The following SPOCK2 variants were observed in gnomAD, a reference collection of about 807,000 sequenced individuals.
SPOCK2 encodes testican-2.
SPOCK2 carries 39 observed loss-of-function variants against 60.1 expected under a neutral mutation model. The ratio of observed to expected loss-of-function variants is 0.65; its 90% CI spans 0.50 to 0.85. The LOEUF (loss-of-function observed/expected upper bound fraction) is 0.85, where lower values mean the gene tolerates loss of function less well. SPOCK2 is among the 40% of genes least tolerant of loss of function. The probability of loss-of-function intolerance (pLI) is 0.00; values close to 1 mark genes in which losing one functional copy is unlikely to be tolerated. For synonymous variants in SPOCK2, 217 were observed against 231.5 expected (o/e 0.94, Z 0.57); for missense variants, 523 against 567.4 (o/e 0.92, Z 0.80).
chr10:72,080,564 C>A (rs1198429454), intron 1 of SPOCK2, among the ~76,000 whole-genome samples: 1 of 152,138 alleles, frequency 6.6e-6, no homozygotes, highest in African/African-American at 2.4e-5. Flanking sequence ...CCATCACACA[C>A]CTGGGAGAGG....
intron 9 of SPOCK2, among the ~76,000 whole-genome samples, chr10:72,063,512 C>T (rs1437491286): frequency 1.3e-5 from 2 of 152,204 alleles, no homozygotes; most frequent in African/African-American, 2.4e-5. Flanking sequence ...CCCACAGTTC[C>T]GCCGGCCTGG....
At chr10:72,066,800 A>G in intron 8 of SPOCK2, 102 bp downstream of exon 8, 1 of 1,329,164 alleles carries the variant, frequency 7.5e-7, no homozygotes, top group Admixed American at 1.8e-5. Context: ...GGGCCTGGGG[A>G]CGTAGCCAAG....
chr10:72,071,003 G>A (rs1840639867), intron 4 of SPOCK2, among the ~76,000 whole-genome samples: 1 of 152,074 alleles, frequency 6.6e-6, no homozygotes, highest in South Asian at 2.1e-4. Context: ...AGTGGCCCGT[G>A]ACCAAGCACT....
chr10:72,082,678 AC>A (rs1339246607), intron 1 of SPOCK2, among the ~76,000 whole-genome samples: 1 of 151,518 alleles, frequency 6.6e-6, no homozygotes, highest in Non-Finnish European at 1.5e-5. Flanking sequence ...ACATGGTGAA[AC>A]CCCCTGTCTA....
intron 1 of SPOCK2, among the ~76,000 whole-genome samples, chr10:72,081,374 G>A (rs892840997): frequency 8.5e-5 from 13 of 152,260 alleles, no homozygotes; most frequent in African/African-American, 2.7e-4. Flanking sequence ...TCCAGGCAGA[G>A]GTAAGACACC....
At chr10:72,065,437 A>G (rs1840555766) in intron 8 of SPOCK2, among the ~76,000 whole-genome samples, 1 of 152,234 alleles carries the variant, frequency 6.6e-6, no homozygotes, top group African/African-American at 2.4e-5. Context: ...CCTGGGAGCA[A>G]TGGGCCAGGT....
At chr10:72,085,007 A>G (rs1253328789) in intron 1 of SPOCK2, among the ~76,000 whole-genome samples, 1 of 152,194 alleles carries the variant, frequency 6.6e-6, no homozygotes, top group Admixed American at 6.5e-5. Context: ...AGCCAAGAAG[A>G]AAGAGAACAG....
intron 1 of SPOCK2, among the ~76,000 whole-genome samples, chr10:72,079,456 G>A (rs1840755452): frequency 6.6e-6 from 1 of 152,266 alleles, no homozygotes; most frequent in East Asian, 1.9e-4. Context: ...TGGTTCAGCT[G>A]GTTTGGAGCT....
chr10:72,073,266 C>T (rs1840673846), intron 1 of SPOCK2, among the ~76,000 whole-genome samples: 1 of 152,188 alleles, frequency 6.6e-6, no homozygotes, highest in South Asian at 2.1e-4. Context: ...CATGCCTATG[C>T]CCTGGGTGTC....
Position 72,088,124 on chromosome 10 carries a change from A to C in SPOCK2, c.189+16T>G. On this transcript the variant is annotated intron_variant, in intron 1 of 10. Transcript: ENST00000373109. ...CGCAACCCCGGGTCTCTGCCTTGGC[A>C]GCCCTGCGGACTCACGTCTCGGAAG... The C allele has an allele frequency of 1.9e-6, 3 of 1,610,850 alleles. No homozygotes were observed. Among genetic ancestry groups the C allele is most frequent in the Non-Finnish European group, 1.7e-6 (2 of 1,178,596 alleles).
intron 1 of SPOCK2, among the ~76,000 whole-genome samples, chr10:72,073,222 C>A (rs1047443128): frequency 6.6e-6 from 1 of 152,202 alleles, no homozygotes; most frequent in African/African-American, 2.4e-5. Flanking sequence ...GACAGATGTC[C>A]GAGGTGCCCA....
intron 1 of SPOCK2, among the ~76,000 whole-genome samples, chr10:72,074,227 A>G (rs566688011): frequency 6.6e-6 from 1 of 152,262 alleles, no homozygotes; most frequent in South Asian, 2.1e-4. Flanking sequence ...CAAGGCCTTC[A>G]GGCTTCTGAA....
intron 1 of SPOCK2, among the ~76,000 whole-genome samples, chr10:72,083,270 G>A (rs992705206): frequency 6.6e-6 from 1 of 152,324 alleles, no homozygotes; most frequent in African/African-American, 2.4e-5. Context: ...TGGTGTGGTA[G>A]GATAAGCAGG....
intron 4 of SPOCK2, 111 bp from the exon 5 acceptor site, chr10:72,070,537 G>C: frequency 9.9e-7 from 1 of 1,012,270 alleles, no homozygotes; most frequent in Non-Finnish European, 1.5e-6. Flanking sequence ...GCAATCTTCA[G>C]CAGATCAGCC....
intron 1 of SPOCK2, among the ~76,000 whole-genome samples, chr10:72,078,836 G>A (rs958765451): frequency 3.9e-5 from 6 of 152,160 alleles, no homozygotes; most frequent in African/African-American, 1.4e-4. Context: ...CCTCACAGAA[G>A]TCTACCATTG....
rs758222164 is a variant in SPOCK2 at position 72,062,843 on chromosome 10, TCTC to T, written c.1189_1191del (p.Glu397del). The T allele has an allele frequency of 1.6e-5, 26 of 1,607,070 alleles. 1 individual carries two copies. The Admixed American group carries it at 3.4e-4, about 21-fold the overall frequency. On this transcript the variant is annotated inframe_deletion, in exon 11 of 11. Coordinates refer to ENST00000373109, the MANE Select transcript of SPOCK2 (RefSeq NM_001244950.2). The surrounding 1 kb of genome is among the most constrained non-coding windows in gnomAD (Gnocchi z 4.3). ...TCCTCGCCTGCTTCCTCCGTCTCCT[TCTC>T]CTCCTCATCCTCCCAGCCGACACCG...
chr10:72,075,403 C>T (rs1213715108), intron 1 of SPOCK2, among the ~76,000 whole-genome samples: 1 of 151,938 alleles, frequency 6.6e-6, no homozygotes, highest in Non-Finnish European at 1.5e-5. Context: ...CCCACCTGCC[C>T]CAGAGTGGAA....
rs767416513 is a variant in SPOCK2 at position 72,063,050 on chromosome 10, C to T, written c.1104G>A (p.Thr368=). 5.0e-5 allele frequency: 77 copies of T among 1,553,548 alleles called. 1 individual carries two copies. Among genetic ancestry groups the T allele is most frequent in the South Asian group, 1.9e-4 (16 of 84,250 alleles). Residue 368 remains threonine (T), a synonymous_variant, in exon 10 of 11, where the codon ACG becomes ACA. Transcript: ENST00000373109. ...VDQLGLELTG[T]RTHGSPDCDD... is the part of the protein sequence containing the mutation. ...CGCAGTCGGGGCTCCCATGCGTGCG[C>T]GTGCCAGTCAGCTCCAGGCCCAGCT... is the stretch of plus-strand genomic sequence containing the variant.
In SPOCK2 at chr10:72,062,702, T is replaced by G; in HGVS notation, c.*58A>C. ...TTCTGGATCCGTTCTCGAAGTTGCC[T>G]GCTGCTGCTCAGAGCTCTGCTGTTG... On this transcript the variant is annotated 3_prime_UTR_variant, in exon 11 of 11. Coordinates refer to ENST00000373109, the MANE Select transcript of SPOCK2 (RefSeq NM_001244950.2). The surrounding 1 kb of genome is among the most constrained non-coding windows in gnomAD (Gnocchi z 4.3). 6.5e-7 allele frequency: 1 copy of G among 1,549,734 alleles called. No homozygotes were observed. Among genetic ancestry groups the G allele is most frequent in the South Asian group, 1.2e-5 (1 of 85,070 alleles).
Sources: allele counts gnomAD v4.1 joint callset (sites outside exome capture counted in the v4.1 genomes callset), GRCh38; gene constraint gnomAD v4.1.1; non-coding constraint Gnocchi (gnomAD v3.1); transcripts MANE v1.5; gene names NCBI Gene and HGNC (gene_info 2026-07-23, HGNC 2026-07-21).